PABPC4L: variants seen among roughly 807,000 people sequenced by gnomAD.
The protein encoded by PABPC4L is poly(A) binding protein cytoplasmic 4 like.
For synonymous variants in PABPC4L, 169 were observed against 164.1 expected, an observed-to-expected ratio of 1.03 and a Z score of -0.23; for missense variants, 452 against 451.4, an observed-to-expected ratio of 1.00 and a Z score of -0.01.
the PABPC4L span, among the ~76,000 whole-genome samples, chr4:134,008,457 A>G: frequency 6.6e-6 from 1 of 151,744 alleles, no homozygotes; most frequent in Non-Finnish European, 1.5e-5. Flanking sequence ...ATAAGAAAGT[A>G]TTAAAAAAAA....
At chr4:134,009,751 G>A in the PABPC4L span, among the ~76,000 whole-genome samples, 1 of 152,022 alleles carries the variant, frequency 6.6e-6, no homozygotes, top group Non-Finnish European at 1.5e-5. Context: ...AGGCTATGTT[G>A]AATTGTGCAA....
the PABPC4L span, among the ~76,000 whole-genome samples, chr4:134,114,254 T>C: frequency 6.6e-6 from 1 of 151,730 alleles, no homozygotes; most frequent in African/African-American, 2.4e-5. Flanking sequence ...AAATGTGAAA[T>C]GTGAAACATC....
the PABPC4L span, among the ~76,000 whole-genome samples, chr4:134,137,666 T>A: frequency 6.6e-6 from 1 of 151,892 alleles, no homozygotes; most frequent in Admixed American, 6.6e-5. Flanking sequence ...GCCATCAAAG[T>A]ACATCAATTC....
the PABPC4L span, among the ~76,000 whole-genome samples, chr4:133,970,078 A>C: frequency 1.0e-4 from 15 of 146,792 alleles, no homozygotes; most frequent in Admixed American, 4.1e-4. Context: ...TTTAAAAAAT[A>C]TATATATTTA....
the PABPC4L span, among the ~76,000 whole-genome samples, chr4:134,111,521 T>C: frequency 1.3e-5 from 2 of 151,834 alleles, no homozygotes; most frequent in Admixed American, 1.3e-4. Context: ...ACATATAGAC[T>C]TCTATTTGTT....
the PABPC4L span, among the ~76,000 whole-genome samples, chr4:134,094,458 T>C: frequency 2.0e-5 from 3 of 151,972 alleles, no homozygotes; most frequent in Non-Finnish European, 4.4e-5. Flanking sequence ...GTAAACTCAC[T>C]TAAAATTCCA....
downstream of PABPC4L, among the ~76,000 whole-genome samples, chr4:134,192,443 C>CA (rs1420977497): frequency 1.3e-5 from 2 of 151,926 alleles, no homozygotes; most frequent in African/African-American, 4.8e-5. Flanking sequence ...GGAAATGTCC[C>CA]AAAATTAAAT....
the PABPC4L span, among the ~76,000 whole-genome samples, chr4:134,180,225 C>A: frequency 6.6e-6 from 1 of 151,834 alleles, no homozygotes; most frequent in Non-Finnish European, 1.5e-5. Flanking sequence ...AAATAGAAAT[C>A]AATGCTAAGA....
At chr4:134,183,436 A>G in the PABPC4L span, among the ~76,000 whole-genome samples, 2 of 151,766 alleles carry the variant, frequency 1.3e-5, no homozygotes, top group African/African-American at 4.8e-5. Flanking sequence ...GAAGGGAACA[A>G]CAGACACGGG....
chr4:134,173,819 T>C, the PABPC4L span, among the ~76,000 whole-genome samples: 2 of 152,118 alleles, frequency 1.3e-5, no homozygotes, highest in African/African-American at 2.4e-5. Flanking sequence ...AAATATCACA[T>C]GTACCCCATA....
the PABPC4L span, among the ~76,000 whole-genome samples, chr4:134,131,293 T>A: frequency 1.8e-4 from 28 of 152,012 alleles, no homozygotes; most frequent in African/African-American, 6.5e-4. Flanking sequence ...ACCTAGGAAA[T>A]CCTGAAGACT....
At chr4:133,951,775 C>T in the PABPC4L span, among the ~76,000 whole-genome samples, 1 of 151,974 alleles carries the variant, frequency 6.6e-6, no homozygotes, top group Admixed American at 6.6e-5. Flanking sequence ...AGAAGGGTAA[C>T]CCCATTAAGT....
chr4:134,043,113 T>C, the PABPC4L span, among the ~76,000 whole-genome samples: 5 of 152,120 alleles, frequency 3.3e-5, no homozygotes, highest in Non-Finnish European at 7.4e-5. Flanking sequence ...CACCAAGGAA[T>C]AAAGTAACCT....
the PABPC4L span, among the ~76,000 whole-genome samples, chr4:134,066,002 T>C: frequency 6.6e-6 from 1 of 152,104 alleles, no homozygotes; most frequent in Non-Finnish European, 1.5e-5. Context: ...CCATGCTATT[T>C]TGTTCAACTT....
the PABPC4L span, among the ~76,000 whole-genome samples, chr4:133,983,238 T>C: frequency 6.6e-6 from 1 of 152,008 alleles, no homozygotes; most frequent in African/African-American, 2.4e-5. Flanking sequence ...AAAAGTTACC[T>C]TCAGTAAGTA....
the PABPC4L span, among the ~76,000 whole-genome samples, chr4:134,048,371 A>G: frequency 6.6e-6 from 1 of 152,122 alleles, no homozygotes; most frequent in Non-Finnish European, 1.5e-5. Context: ...ATGCAGTAAT[A>G]TACCCAGATG....
At chr4:134,102,961 T>G in the PABPC4L span, among the ~76,000 whole-genome samples, 1 of 151,460 alleles carries the variant, frequency 6.6e-6, no homozygotes, top group East Asian at 1.9e-4. Context: ...TTGGAAACAT[T>G]AAAATATTAT....
chr4:134,110,591 GT>G, the PABPC4L span, among the ~76,000 whole-genome samples: 2 of 124,718 alleles, frequency 1.6e-5, no homozygotes, highest in Non-Finnish European at 3.6e-5. Context: ...GTGTGTGTGT[GT>G]GTGTGTGTGT....
the PABPC4L span, among the ~76,000 whole-genome samples, chr4:134,021,949 G>A: frequency 6.6e-6 from 1 of 151,864 alleles, no homozygotes; most frequent in Non-Finnish European, 1.5e-5. Context: ...TGCCTTCTTT[G>A]TCTTTATTCT....
Sources: gnomAD v4.1 joint callset for allele counts (sites outside exome capture counted in the v4.1 genomes callset) on GRCh38, gnomAD v4.1.1 for gene constraint, MANE v1.5 for transcripts, NCBI Gene and HGNC (gene_info 2026-07-23, HGNC 2026-07-21) for gene names.